XPR1: variants seen among roughly 807,000 people sequenced by gnomAD.
The protein encoded by XPR1 is xenotropic and polytropic retrovirus receptor 1, also known as solute carrier family 53 member 1.
In XPR1, 28 loss-of-function variants were observed where a neutral mutation model predicts 87.5. The observed-to-expected ratio is 0.32, with a 90% CI of 0.24 to 0.44. The LOEUF is 0.44. Ranked by LOEUF, XPR1 falls within the 20% of genes least tolerant of loss-of-function variation. XPR1 has a pLI of 1.00. For missense variants in XPR1, 559 were observed against 862.3 expected, an observed-to-expected ratio of 0.65 and a Z score of 4.41; for synonymous variants, 300 against 306.1, an observed-to-expected ratio of 0.98 and a Z score of 0.21.
intron 2 of XPR1, among the ~76,000 whole-genome samples, chr1:180,730,956 A>G (rs1658538198): frequency 6.6e-6 from 1 of 152,112 alleles, no homozygotes; most frequent in African/African-American, 2.4e-5. Context: ...TTAAAAATTC[A>G]TTGCAAATAT....
chr1:180,757,280 G>A (rs1339259095), intron 2 of XPR1, among the ~76,000 whole-genome samples: 2 of 152,130 alleles, frequency 1.3e-5, no homozygotes, highest in Admixed American at 1.3e-4. Flanking sequence ...ATGGGTATTT[G>A]GAAACGGGAT....
intron 2 of XPR1, among the ~76,000 whole-genome samples, chr1:180,742,451 T>C (rs1278405738): frequency 6.6e-6 from 1 of 152,166 alleles, no homozygotes; most frequent in Non-Finnish European, 1.5e-5. Flanking sequence ...TATCCTTTCA[T>C]TATTGATTTC....
At chr1:180,825,473 G>A in intron 9 of XPR1, 129 bp downstream of exon 9, 1 of 909,786 alleles carries the variant, frequency 1.1e-6, no homozygotes, top group Non-Finnish European at 1.5e-6. Flanking sequence ...TTATGTGAGT[G>A]GAGGCCCTGG....
intron 9 of XPR1, among the ~76,000 whole-genome samples, chr1:180,832,984 T>C (rs1425406023): frequency 6.6e-6 from 1 of 152,254 alleles, no homozygotes; most frequent in Non-Finnish European, 1.5e-5. Flanking sequence ...TGATTCTTCC[T>C]ATCCATGAGC....
At chr1:180,790,713 T>A (rs1191655399) in intron 3 of XPR1, among the ~76,000 whole-genome samples, 3 of 152,012 alleles carry the variant, frequency 2.0e-5, no homozygotes, top group Admixed American at 6.6e-5. Context: ...CTAATTTTTT[T>A]TATATTTTTA....
chr1:180,686,299 G>T (rs1656774541), intron 2 of XPR1, among the ~76,000 whole-genome samples: 1 of 152,168 alleles, frequency 6.6e-6, no homozygotes, highest in African/African-American at 2.4e-5. Context: ...GAGCGGTTTT[G>T]AGTGAGTTTC....
At chr1:180,858,042 C>T (rs1222346104) in intron 11 of XPR1, among the ~76,000 whole-genome samples, 3 of 152,032 alleles carry the variant, frequency 2.0e-5, no homozygotes, top group African/African-American at 7.2e-5. Flanking sequence ...CATGGAGAAA[C>T]CCTGTCTCTA....
At chr1:180,694,773 GCACACACACACACA>G (rs56118040) in intron 2 of XPR1, among the ~76,000 whole-genome samples, 5 of 149,632 alleles carry the variant, frequency 3.3e-5, no homozygotes, top group East Asian at 4.0e-4. Context: ...ATTGTTGTGT[GCACACACACACACA>G]CACACACACA....
chr1:180,710,106 C>T (rs1455786721), intron 2 of XPR1, among the ~76,000 whole-genome samples: 1 of 151,634 alleles, frequency 6.6e-6, no homozygotes, highest in Non-Finnish European at 1.5e-5. Context: ...GTTGGCCAGG[C>T]TGGTCTCGAA....
intron 2 of XPR1, among the ~76,000 whole-genome samples, chr1:180,746,809 AC>A (rs1327068796): frequency 6.6e-6 from 1 of 152,196 alleles, no homozygotes. Flanking sequence ...ATTCATTAAT[AC>A]ATCCCCTTGG....
At chr1:180,666,842 G>T (rs930020943) in intron 1 of XPR1, among the ~76,000 whole-genome samples, 6 of 151,714 alleles carry the variant, frequency 4.0e-5, no homozygotes, top group Admixed American at 2.0e-4. Flanking sequence ...GCCCTGGCTA[G>T]AACTTACATT....
At chr1:180,820,855 T>TTA (rs376037399) in intron 7 of XPR1, among the ~76,000 whole-genome samples, 2 of 152,062 alleles carry the variant, frequency 1.3e-5, no homozygotes, top group Non-Finnish European at 2.9e-5. Context: ...CATTGGCCAT[T>TTA]TATATATATA....
intron 2 of XPR1, among the ~76,000 whole-genome samples, chr1:180,755,800 T>C (rs1647715936): frequency 6.6e-6 from 1 of 152,176 alleles, no homozygotes; most frequent in African/African-American, 2.4e-5. Flanking sequence ...TCATAAGCCC[T>C]GTGGTTTTAT....
chr1:180,662,840 T>C (rs1655824627), intron 1 of XPR1, among the ~76,000 whole-genome samples: 1 of 152,216 alleles, frequency 6.6e-6, no homozygotes, highest in Non-Finnish European at 1.5e-5. Context: ...TCATCTCTTC[T>C]GACTGTGTGT....
At chr1:180,661,623 A>C (rs1261594597) in intron 1 of XPR1, among the ~76,000 whole-genome samples, 1 of 152,044 alleles carries the variant, frequency 6.6e-6, no homozygotes, top group Non-Finnish European at 1.5e-5. Context: ...TAATCCCAGC[A>C]CTTTGGGAGG....
intron 2 of XPR1, among the ~76,000 whole-genome samples, chr1:180,759,368 T>C (rs1269087363): frequency 6.6e-6 from 1 of 151,898 alleles, no homozygotes; most frequent in African/African-American, 2.4e-5. Context: ...AGACCGCTAG[T>C]AAGACTAATA....
intron 4 of XPR1, 33 bp downstream of exon 4, chr1:180,803,644 T>G (rs376642407): frequency 1.9e-6 from 3 of 1,554,136 alleles, no homozygotes; most frequent in Admixed American, 3.6e-5. Context: ...AAATGGCACC[T>G]TTAAGTAAAT....
Position 180,888,816 on chromosome 1 carries a change from G to A in XPR1, c.*4750G>A, listed in dbSNP as rs1653097735. 3 of 152,234 alleles carry A rather than the reference G, an allele frequency of 2.0e-5. No individual in the cohort carries two copies. Among genetic ancestry groups the A allele is most frequent in the Admixed American group, 2.0e-4 (3 of 15,286 alleles). The allele number at this position is 152,234 out of a possible 1,614,324, so 9.4% of individuals were successfully genotyped here. On this transcript the variant is annotated 3_prime_UTR_variant, in exon 15 of 15. Coordinates refer to ENST00000367590, the MANE Select transcript of XPR1 (RefSeq NM_004736.4). ...ATACAATGTTAGAGCACATGGTAAT[G>A]TGGGACAGAGTTGATTATATGATAG...
intron 1 of XPR1, among the ~76,000 whole-genome samples, chr1:180,640,649 A>G (rs1435641135): frequency 6.6e-6 from 1 of 152,122 alleles, no homozygotes; most frequent in Non-Finnish European, 1.5e-5. Context: ...TGGAGATAGT[A>G]GAGTGTGGTC....
Sources: gnomAD v4.1 joint callset for allele counts (sites outside exome capture counted in the v4.1 genomes callset) on GRCh38, gnomAD v4.1.1 for gene constraint, MANE v1.5 for transcripts, NCBI Gene and HGNC (gene_info 2026-07-23, HGNC 2026-07-21) for gene names.